Variants in ABAT observed in about 807,000 individuals in gnomAD.
ABAT encodes the protein 4-aminobutyrate aminotransferase, also known as 4-aminobutyrate aminotransferase, mitochondrial.
ABAT carries 45 observed loss-of-function variants against 64.6 expected under a neutral mutation model. That is an observed-to-expected ratio of 0.70 (90% CI 0.55 to 0.89). The LOEUF is 0.89. Ranked by LOEUF, ABAT falls within the 40% of genes least tolerant of loss-of-function variation. The pLI is 0.00. For synonymous variants in ABAT, 297 were observed against 250.5 expected (o/e 1.19, Z -1.75); for missense variants, 633 against 658.4 (o/e 0.96, Z 0.42).
chr16:8,733,367 G>T (rs979365504), intron 1 of ABAT, among the ~76,000 whole-genome samples: 1 of 151,218 alleles, frequency 6.6e-6, no homozygotes, highest in Non-Finnish European at 1.5e-5. Context: ...CAGGCCGAGG[G>T]GCTCCTCACA....
rs142429169 is a variant in ABAT at position 8,767,098 on chromosome 16, G to C, written c.603+828G>C. On this transcript the variant is annotated intron_variant, in intron 9 of 15. Coordinates refer to ENST00000268251, the MANE Select transcript of ABAT (RefSeq NM_020686.6). ...CCTGAGACAATGCCAACCTCCTTGA[G>C]ACTTGGGGGCCCCCACAGTTCCCTC... 4.7e-3 allele frequency among the ~76,000 whole-genome samples: 720 copies of C among 152,344 alleles called. 6 individuals carry two copies. The highest frequency in any genetic ancestry group is 0.017 in the African/African-American group (699 of 41,582).
At chr16:8,766,096 T>A (rs2059934622) in intron 8 of ABAT, 112 bp from the exon 9 acceptor site, 1 of 980,874 alleles carries the variant, frequency 1.0e-6, no homozygotes, top group Non-Finnish European at 1.6e-6. Flanking sequence ...TGAGATCCAC[T>A]CCTGAGAAAG....
At chr16:8,702,024 C>G (rs1041518884) in intron 1 of ABAT, among the ~76,000 whole-genome samples, 2 of 152,122 alleles carry the variant, frequency 1.3e-5, no homozygotes, top group Non-Finnish European at 2.9e-5. Context: ...GGCTGTCACT[C>G]TGCGATGGGG....
rs1445724585 is a variant in ABAT, at chr16:8,772,767, C to G, written c.817-13C>G. ...CTCTGCCATCGGTGGTCACTTTCCC[C>G]TTTGGGATCCAGGTGGAGGATCTGA... On this transcript the variant is annotated splice_polypyrimidine_tract_variant and intron_variant, in intron 11 of 15. Transcript: ENST00000268251. 1.2e-6 allele frequency: 2 copies of G among 1,613,884 alleles called. No homozygotes were observed. Among genetic ancestry groups the G allele is most frequent in the East Asian group, 4.5e-5 (2 of 44,884 alleles).
intron 1 of ABAT, among the ~76,000 whole-genome samples, chr16:8,701,813 G>A (rs1451118186): frequency 1.3e-5 from 2 of 152,114 alleles, no homozygotes; most frequent in East Asian, 1.9e-4. Context: ...GGAGCCCCTG[G>A]CTCTCTGTGG....
chr16:8,758,478 C>A (rs944175626), intron 6 of ABAT, among the ~76,000 whole-genome samples: 1 of 152,052 alleles, frequency 6.6e-6, no homozygotes, highest in Non-Finnish European at 1.5e-5. Context: ...GGGGAGGGAC[C>A]CAAGGAGGAC....
In ABAT at chr16:8,768,148, C is replaced by T. The variant is rs376594468; in HGVS notation, c.604-45C>T. The T allele has an allele frequency of 1.9e-6, 3 of 1,582,506 alleles. No individual in the cohort carries two copies. The African/African-American group carries it at 4.0e-5, about 21-fold the overall frequency. ...TTGCAGGGGCAACAATACAGTTCCC[C>T]CATCCTTACAACTATGACTAATGAC... On this transcript the variant is annotated intron_variant, in intron 9 of 15. Coordinates refer to ENST00000268251, the MANE Select transcript of ABAT (RefSeq NM_020686.6).
intron 1 of ABAT, among the ~76,000 whole-genome samples, chr16:8,723,852 T>G (rs2058455240): frequency 8.4e-6 from 1 of 119,238 alleles, no homozygotes; most frequent in Non-Finnish European, 1.8e-5. Flanking sequence ...TTTTTTTTTT[T>G]TTTTTTGAGA....
At chr16:8,746,757 A>G (rs1328948491) in intron 3 of ABAT, among the ~76,000 whole-genome samples, 22 of 151,954 alleles carry the variant, frequency 1.4e-4, no homozygotes, top group Non-Finnish European at 1.5e-5. Context: ...CACAGAGGAG[A>G]TGTATCAGTT....
chr16:8,750,869 G>A (rs1370358445), intron 5 of ABAT, among the ~76,000 whole-genome samples: 1 of 151,846 alleles, frequency 6.6e-6, no homozygotes, highest in Non-Finnish European at 1.5e-5. Context: ...TGTGACCACA[G>A]TGGCACCCAG....
At position 8,764,498 on chromosome 16, in the gene ABAT, T is replaced by C. The variant is rs1014500667; in HGVS notation, c.448-240T>C. On this transcript the variant is annotated intron_variant, in intron 7 of 15. Coordinates refer to ENST00000268251, the MANE Select transcript of ABAT (RefSeq NM_020686.6). This position sits in a 1 kb window ranked among gnomAD's most constrained non-coding sequence, Gnocchi z 4.2. ...TGTAGGTGTCTTAGACAGTGGCAGG[T>C]GCATCAGGAGTGGGCTTTTGCCCCC... Among the ~76,000 whole-genome samples the C allele has an allele frequency of 6.6e-6, 1 of 151,344 alleles. No homozygotes were observed. Among genetic ancestry groups the C allele is most frequent in the Admixed American group, 6.6e-5 (1 of 15,206 alleles).
rs111877798 is a variant in ABAT, at chr16:8,692,625, G to A, written c.-42+17914G>A. Among the ~76,000 whole-genome samples the A allele has an allele frequency of 1.7e-3, 265 of 152,298 alleles. 3 individuals carry two copies. The highest frequency in any genetic ancestry group is 6.2e-3 in the African/African-American group (259 of 41,564). ...ATATTTTCTTCCTCCTGATGGGAATGGAGCATGCTCACAAATTCACACCTT... is the reference window on the plus strand; with the variant it reads ...ATATTTTCTTCCTCCTGATGGGAATAGAGCATGCTCACAAATTCACACCTT... On this transcript the variant is annotated intron_variant, in intron 1 of 15. Coordinates refer to ENST00000268251, the MANE Select transcript of ABAT (RefSeq NM_020686.6).
intron 1 of ABAT, among the ~76,000 whole-genome samples, chr16:8,725,341 G>A (rs952436893): frequency 2.0e-5 from 3 of 151,890 alleles, no homozygotes; most frequent in Admixed American, 6.6e-5. Flanking sequence ...TCATCACCCC[G>A]GAGACCCCCG....
At chr16:8,768,477 G>A (rs972438537) in intron 10 of ABAT, among the ~76,000 whole-genome samples, 1 of 152,144 alleles carries the variant, frequency 6.6e-6, no homozygotes, top group Non-Finnish European at 1.5e-5. Flanking sequence ...GCCGGGACTG[G>A]AACTCTTGAC....
rs570081150 is a variant in ABAT at position 8,732,354 on chromosome 16, C to T, written c.-41-3345C>T. On this transcript the variant is annotated intron_variant, in intron 1 of 15. Coordinates refer to ENST00000268251, the MANE Select transcript of ABAT (RefSeq NM_020686.6). ...AACAAAGGTCTCTGGTTTTCCTAGGCAGAGGACCCTGCGGCCTTCCGCAGT... is the reference window on the plus strand; with the variant it reads ...AACAAAGGTCTCTGGTTTTCCTAGGTAGAGGACCCTGCGGCCTTCCGCAGT... Among the ~76,000 whole-genome samples the T allele has an allele frequency of 2.0e-5, 3 of 150,820 alleles. No homozygotes were observed. The East Asian group carries it at 5.8e-4, about 29-fold the overall frequency.
intron 1 of ABAT, among the ~76,000 whole-genome samples, chr16:8,734,708 A>C (rs1031041174): frequency 1.3e-5 from 2 of 152,346 alleles, no homozygotes; most frequent in South Asian, 4.1e-4. Context: ...TCTGAGATAC[A>C]AATTTTGTTC....
At chr16:8,690,615 C>T (rs546543024) in intron 1 of ABAT, among the ~76,000 whole-genome samples, 14 of 152,200 alleles carry the variant, frequency 9.2e-5, no homozygotes, top group East Asian at 5.8e-4. Context: ...TGAGCGGATC[C>T]GATGATTTAT....
intron 1 of ABAT, among the ~76,000 whole-genome samples, chr16:8,704,877 G>T (rs1030991212): frequency 1.3e-5 from 2 of 151,922 alleles, no homozygotes; most frequent in Non-Finnish European, 2.9e-5. Context: ...ACAAATGGGG[G>T]GTCTCACTAT....
chr16:8,733,070 G>A (rs1352349987), intron 1 of ABAT, among the ~76,000 whole-genome samples: 2 of 146,936 alleles, frequency 1.4e-5, no homozygotes, highest in Non-Finnish European at 3.0e-5. Flanking sequence ...TGGCCGGGCG[G>A]GGGGCTGACC....
Sources: gnomAD v4.1 joint callset for allele counts (sites outside exome capture counted in the v4.1 genomes callset) on GRCh38, gnomAD v4.1.1 for gene constraint, Gnocchi (gnomAD v3.1) non-coding constraint, MANE v1.5 for transcripts, NCBI Gene and HGNC (gene_info 2026-07-23, HGNC 2026-07-21) for gene names.